Variants in ARIH2 observed in about 807,000 individuals in gnomAD.
ARIH2 encodes E3 ubiquitin-protein ligase ARIH2.
A neutral mutation model predicts 79.8 loss-of-function variants in ARIH2; 12 were observed. The observed-to-expected ratio is 0.15, with a 90% CI of 0.10 to 0.24. The LOEUF (loss-of-function observed/expected upper bound fraction) is 0.24, where lower values mean the gene tolerates loss of function less well. Ranked by LOEUF, ARIH2 falls within the 10% of genes least tolerant of loss-of-function variation. The pLI, the probability that ARIH2 is intolerant of heterozygous loss-of-function variation, is 1.00. For missense variants in ARIH2, 301 were observed against 618.3 expected, an observed-to-expected ratio of 0.49 and a Z score of 5.44; for synonymous variants, 224 against 213.9, an observed-to-expected ratio of 1.05 and a Z score of -0.41.
At chr3:48,945,289 G>A in intron 3 of ARIH2, 1 of 1,030,936 alleles carries the variant, frequency 9.7e-7, no homozygotes. Context: ...TTGAGGGCTG[G>A]AGAGCTTCAG....
intron 3 of ARIH2, among the ~76,000 whole-genome samples, chr3:48,941,873 G>A (rs1381238562): frequency 6.7e-6 from 1 of 150,022 alleles, no homozygotes; most frequent in Admixed American, 6.7e-5. Context: ...GTGAGCCACC[G>A]CCCGATTTTT....
intron 3 of ARIH2, among the ~76,000 whole-genome samples, chr3:48,950,716 A>C (rs1164810363): frequency 6.6e-6 from 1 of 152,222 alleles, no homozygotes; most frequent in Admixed American, 6.5e-5. Context: ...TAAGTCTAAA[A>C]TACAGACTGG....
chr3:48,942,882 C>A (rs2088534413), intron 3 of ARIH2, among the ~76,000 whole-genome samples: 1 of 151,998 alleles, frequency 6.6e-6, no homozygotes, highest in African/African-American at 2.4e-5. Flanking sequence ...AACTCCTGAC[C>A]TCAGGTGATC....
intron 7 of ARIH2, among the ~76,000 whole-genome samples, chr3:48,969,528 C>T (rs2092044256): frequency 6.7e-6 from 1 of 149,572 alleles, no homozygotes. Context: ...ACTCTGTCAT[C>T]CAGGCTGGAG....
rs756312113 is a variant in ARIH2, at chr3:48,983,185, T to C, written c.1411-14T>C. The stretch of plus-strand genomic sequence containing the variant: ...CTGGGCCATGCAAGCACACACCTTG[T>C]TTCTCTGATGCAGGACTTGGAGAAC... On this transcript the variant is annotated splice_polypyrimidine_tract_variant and intron_variant, in intron 15 of 15. Transcript: ENST00000356401. The C allele has an allele frequency of 6.2e-7, 1 of 1,614,194 alleles. No homozygotes were observed. Among genetic ancestry groups the C allele is most frequent in the Non-Finnish European group, 8.5e-7 (1 of 1,179,994 alleles).
At chr3:48,976,101 G>A (rs1203350857) in intron 11 of ARIH2, among the ~76,000 whole-genome samples, 1 of 148,990 alleles carries the variant, frequency 6.7e-6, no homozygotes, top group Non-Finnish European at 1.5e-5. Flanking sequence ...TAGTAGAGAC[G>A]GGGTCTAACC....
intron 3 of ARIH2, among the ~76,000 whole-genome samples, chr3:48,933,365 G>A (rs2086658995): frequency 6.6e-6 from 1 of 151,120 alleles, no homozygotes; most frequent in Non-Finnish European, 1.5e-5. Flanking sequence ...GTTTTGCCAT[G>A]TTACCCAGGC....
chr3:48,919,071 C>T lies in ARIH2; in HGVS notation c.-162+73C>T, dbSNP rs1456249105. ...TGGGGGGGCCTCTCCGCGCGCCTCC[C>T]TGGCCGGGCCGGGACTCCGCCTTCG... On this transcript the variant is annotated intron_variant, in intron 1 of 15. Transcript: ENST00000356401. 3 of 1,304,128 alleles carry T rather than the reference C, an allele frequency of 2.3e-6. No individual in the cohort carries two copies. The East Asian group carries it at 9.1e-5, about 40-fold the overall frequency. The allele number at this position is 1,304,128 out of a possible 1,614,324, so 80.8% of individuals were successfully genotyped here.
chr3:48,952,019 G>A (rs1180860947), intron 3 of ARIH2, among the ~76,000 whole-genome samples: 7 of 151,750 alleles, frequency 4.6e-5, no homozygotes, highest in Admixed American at 6.6e-5. Context: ...TTTTTCTAGC[G>A]TCTTAGGTTA....
intron 13 of ARIH2, 27 bp downstream of exon 13, chr3:48,980,523 C>T: frequency 6.2e-7 from 1 of 1,610,680 alleles, no homozygotes; most frequent in Non-Finnish European, 8.5e-7. Flanking sequence ...TCATCTTATC[C>T]CTGGTCCAGT....
chr3:48,942,691 G>T (rs1242382105), intron 3 of ARIH2, among the ~76,000 whole-genome samples: 2 of 122,794 alleles, frequency 1.6e-5, no homozygotes, highest in African/African-American at 6.4e-5. Flanking sequence ...CGCTCTTGTT[G>T]CCCAGGCTGG....
In ARIH2 at chr3:48,974,960, A is replaced by G. The variant is rs776790046; in HGVS notation, c.942A>G (p.Gln314=). ...TTTCTTCTGTTTCCCTCTGACAGCA[A>G]TGCTCCAAATGTAAACACGGTGAGT... The part of the protein sequence containing the change: ...IEKNGGCNHM[Q]CSKCKHDFCW... The change falls in exon 11 of 16, where the codon CAA becomes CAG. Residue 314 remains glutamine, a splice_region_variant and synonymous_variant. Transcript: ENST00000356401. 40 of 1,614,082 alleles carry G rather than the reference A, an allele frequency of 2.5e-5. No individual in the cohort carries two copies. The highest frequency in any genetic ancestry group is 2.9e-5 in the Non-Finnish European group (34 of 1,180,046).
chr3:48,975,124 G>A, intron 11 of ARIH2, 145 bp downstream of exon 11: 1 of 1,374,218 alleles, frequency 7.3e-7, no homozygotes, highest in Non-Finnish European at 1.0e-6. Context: ...CTGGCATAAA[G>A]TAGCTTTTTA....
chr3:48,959,182 G>C (rs1479196441), intron 3 of ARIH2, among the ~76,000 whole-genome samples: 1 of 151,238 alleles, frequency 6.6e-6, no homozygotes, highest in African/African-American at 2.4e-5. Flanking sequence ...CCGGTGTGGT[G>C]GTGGGCGCCT....
At chr3:48,923,773 G>A (rs1429429441) in intron 2 of ARIH2, among the ~76,000 whole-genome samples, 2 of 151,880 alleles carry the variant, frequency 1.3e-5, no homozygotes, top group African/African-American at 4.8e-5. Flanking sequence ...CACCCGCCTC[G>A]GCCTCCCAAA....
Position 48,942,203 on chromosome 3 carries a change from A to G in ARIH2, c.255+14390A>G, listed in dbSNP as rs527707793. Among the ~76,000 whole-genome samples, 227 of 152,148 alleles carry G rather than the reference A, an allele frequency of 1.5e-3. 2 individuals carry two copies. Among genetic ancestry groups the G allele is most frequent in the African/African-American group, 5.2e-3 (217 of 41,484 alleles). On this transcript the variant is annotated intron_variant, in intron 3 of 15. Coordinates refer to ENST00000356401, the MANE Select transcript of ARIH2 (RefSeq NM_006321.4). Reference sequence around the variant, plus strand: ...ATAGCTGGGATTAGAGGTGCCCGCCACCACGCCCAGGTAATTTTTGTATTT... The same window carrying G: ...ATAGCTGGGATTAGAGGTGCCCGCCGCCACGCCCAGGTAATTTTTGTATTT...
At chr3:48,965,505 C>T (rs1035052135) in intron 5 of ARIH2, among the ~76,000 whole-genome samples, 1 of 152,178 alleles carries the variant, frequency 6.6e-6, no homozygotes, top group Non-Finnish European at 1.5e-5. Flanking sequence ...GGGCCCTCTC[C>T]AGCCCCACTT....
At chr3:48,978,044 T>C (rs547154105) in intron 11 of ARIH2, among the ~76,000 whole-genome samples, 2 of 152,172 alleles carry the variant, frequency 1.3e-5, no homozygotes, top group South Asian at 2.1e-4. Flanking sequence ...ATTAGAACAA[T>C]GTGTGTTCTA....
At chr3:48,947,445 A>AC (rs2089339774) in intron 3 of ARIH2, among the ~76,000 whole-genome samples, 1 of 151,384 alleles carries the variant, frequency 6.6e-6, no homozygotes, top group Admixed American at 6.6e-5. Flanking sequence ...CTGTCTCAAA[A>AC]AAAAAAAAAA....
Sources: gnomAD v4.1 joint callset for allele counts (sites outside exome capture counted in the v4.1 genomes callset) on GRCh38, gnomAD v4.1.1 for gene constraint, MANE v1.5 for transcripts, NCBI Gene and HGNC (gene_info 2026-07-23, HGNC 2026-07-21) for gene names.